The following STX18 variants were observed in gnomAD, a reference collection of about 807,000 sequenced individuals.
STX18 encodes syntaxin 18, also known as syntaxin-18.
A neutral mutation model predicts 50.1 loss-of-function variants in STX18; 40 were observed. That is an observed-to-expected ratio of 0.80 (90% CI 0.62 to 1.04). The LOEUF is 1.04. STX18 is among the 50% of genes least tolerant of loss of function. The pLI is 0.00. For missense variants in STX18, 410 were observed against 415.8 expected (o/e 0.99, Z 0.12); for synonymous variants, 158 against 151.8 (o/e 1.04, Z -0.30).
At chr4:4,512,059 A>G (rs1730032364) in intron 1 of STX18, among the ~76,000 whole-genome samples, 1 of 151,986 alleles carries the variant, frequency 6.6e-6, no homozygotes, top group South Asian at 2.1e-4. Flanking sequence ...GTCTCCAGAT[A>G]TTGGCAAATA....
intron 1 of STX18, among the ~76,000 whole-genome samples, chr4:4,484,023 A>ACCTG (rs1728584370): frequency 6.6e-6 from 1 of 151,642 alleles, no homozygotes; most frequent in Non-Finnish European, 1.5e-5. Flanking sequence ...CACCATGCCC[A>ACCTG]GCTAATTTTT....
At chr4:4,483,915 G>A (rs1269231656) in intron 1 of STX18, among the ~76,000 whole-genome samples, 2 of 151,956 alleles carry the variant, frequency 1.3e-5, no homozygotes, top group African/African-American at 2.4e-5. Flanking sequence ...AGGCTGGAGT[G>A]CAGTGGCATG....
At chr4:4,496,615 T>G (rs1215581086) in intron 1 of STX18, among the ~76,000 whole-genome samples, 1 of 152,116 alleles carries the variant, frequency 6.6e-6, no homozygotes, top group African/African-American at 2.4e-5. Context: ...GCCTAACATA[T>G]TTGTGCTATT....
chr4:4,441,182 A>C (rs1228657894), intron 5 of STX18, among the ~76,000 whole-genome samples: 1 of 152,212 alleles, frequency 6.6e-6, no homozygotes, highest in East Asian at 1.9e-4. Flanking sequence ...AGAAATCATA[A>C]TTCTGGCCAT....
chr4:4,536,090 C>T (rs779411204), intron 1 of STX18, among the ~76,000 whole-genome samples: 1 of 152,244 alleles, frequency 6.6e-6, no homozygotes, highest in Non-Finnish European at 1.5e-5. Flanking sequence ...GAGGGAGGAA[C>T]GGAATCTTAG....
chr4:4,517,553 A>G (rs1730327651), intron 1 of STX18, among the ~76,000 whole-genome samples: 1 of 152,210 alleles, frequency 6.6e-6, no homozygotes, highest in African/African-American at 2.4e-5. Context: ...CATGTTCAAG[A>G]AAATCTAGCA....
rs111738555 is a variant in STX18, at chr4:4,519,759, A to G, written c.168+22038T>C. ...TTTCCCCATGGTAGAATTATTGAACAAGAAAATTGAAATACTAAAACCATG... is the reference window on the plus strand; with the variant it reads ...TTTCCCCATGGTAGAATTATTGAACGAGAAAATTGAAATACTAAAACCATG... On this transcript the variant is annotated intron_variant, in intron 1 of 10. Coordinates refer to ENST00000306200, the MANE Select transcript of STX18 (RefSeq NM_016930.4). Among the ~76,000 whole-genome samples, 357 of 152,304 alleles carry G rather than the reference A, an allele frequency of 2.3e-3. 3 individuals are homozygous for G. The highest frequency in any genetic ancestry group is 7.9e-3 in the African/African-American group (330 of 41,566).
intron 1 of STX18, among the ~76,000 whole-genome samples, chr4:4,475,567 T>A (rs1208557877): frequency 6.6e-6 from 1 of 152,096 alleles, no homozygotes; most frequent in Non-Finnish European, 1.5e-5. Context: ...AATAGCATAA[T>A]ACAATTATCT....
At position 4,438,224 on chromosome 4, in the gene STX18, G is replaced by A. The variant is rs1364912049; in HGVS notation, c.613+170C>T. On this transcript the variant is annotated intron_variant, in intron 6 of 10. Coordinates refer to ENST00000306200, the MANE Select transcript of STX18 (RefSeq NM_016930.4). ...CACCCCCTGCCTCTGTGGCACTCAC[G>A]AAGATCAACTGTGACAGACACAAAG... Among the ~76,000 whole-genome samples the A allele has an allele frequency of 2.0e-5, 3 of 152,228 alleles. No homozygotes were observed. In the East Asian group the frequency reaches 5.8e-4, roughly 29 times the overall value.
At chr4:4,509,392 C>A (rs1413703507) in intron 1 of STX18, among the ~76,000 whole-genome samples, 2 of 151,914 alleles carry the variant, frequency 1.3e-5, no homozygotes, top group East Asian at 3.9e-4. Context: ...GTCCTTTGCC[C>A]ACTTTTTAAA....
intron 2 of STX18, among the ~76,000 whole-genome samples, chr4:4,460,791 C>A (rs1727336298): frequency 6.6e-6 from 1 of 152,142 alleles, no homozygotes; most frequent in South Asian, 2.1e-4. Flanking sequence ...AGAATGGACT[C>A]TGTCCGAGGG....
At chr4:4,511,933 G>A (rs1730026561) in intron 1 of STX18, among the ~76,000 whole-genome samples, 1 of 152,038 alleles carries the variant, frequency 6.6e-6, no homozygotes, top group Non-Finnish European at 1.5e-5. Flanking sequence ...ACTTTGTCTG[G>A]GGGCGGAGGT....
At chr4:4,510,614 A>G (rs1353169794) in intron 1 of STX18, among the ~76,000 whole-genome samples, 2 of 152,204 alleles carry the variant, frequency 1.3e-5, no homozygotes, top group African/African-American at 4.8e-5. Flanking sequence ...AAGGATCTAG[A>G]ACCAGAAATA....
intron 1 of STX18, among the ~76,000 whole-genome samples, chr4:4,515,398 G>T (rs565524214): frequency 2.6e-5 from 4 of 152,220 alleles, no homozygotes; most frequent in African/African-American, 7.2e-5. Flanking sequence ...TGTGTTTTAA[G>T]AAAAACTTGA....
chr4:4,515,025 T>C (rs948822498), intron 1 of STX18, among the ~76,000 whole-genome samples: 1 of 152,182 alleles, frequency 6.6e-6, no homozygotes, highest in Admixed American at 6.5e-5. Flanking sequence ...ACATTCAACA[T>C]AAGGTACTTG....
At chr4:4,507,186 T>C in intron 1 of STX18, 1 of 584,684 alleles carries the variant, frequency 1.7e-6, no homozygotes, top group Non-Finnish European at 3.3e-6. Context: ...TCCCTCTTGA[T>C]GCTCAGCAGC....
chr4:4,454,850 G>C (rs1268850714), intron 5 of STX18, among the ~76,000 whole-genome samples: 1 of 152,162 alleles, frequency 6.6e-6, no homozygotes, highest in Non-Finnish European at 1.5e-5. Context: ...AGATATGGTG[G>C]CTTTTTGAGG....
In STX18 at chr4:4,438,928, C is replaced by CAT. The variant is rs138468990; in HGVS notation, c.498-421_498-420dup. Among the ~76,000 whole-genome samples the CAT allele has an allele frequency of 5.4e-3, 789 of 147,266 alleles. 8 individuals are homozygous for CAT. Among genetic ancestry groups the CAT allele is most frequent in the East Asian group, 0.013 (67 of 5,068 alleles). ...ATATAATACATATTATACATATATT[C>CAT]ATATATATATATATACCCCCACACA... On this transcript the variant is annotated intron_variant, in intron 5 of 10. Coordinates refer to ENST00000306200, the MANE Select transcript of STX18 (RefSeq NM_016930.4).
At chr4:4,475,550 G>C (rs2108841236) in intron 1 of STX18, among the ~76,000 whole-genome samples, 1 of 151,508 alleles carries the variant, frequency 6.6e-6, no homozygotes. Context: ...GCATACCTAA[G>C]TCCCCAAATA....
Sources: gnomAD v4.1 joint callset for allele counts (sites outside exome capture counted in the v4.1 genomes callset) on GRCh38, gnomAD v4.1.1 for gene constraint, MANE v1.5 for transcripts, NCBI Gene and HGNC (gene_info 2026-07-23, HGNC 2026-07-21) for gene names.